Variants in HS3ST2 observed in about 807,000 individuals in gnomAD.
The protein encoded by HS3ST2 is heparan sulfate glucosamine 3-O-sulfotransferase 2.
In HS3ST2, 17 loss-of-function variants were observed where a neutral mutation model predicts 26.3. The observed-to-expected ratio is 0.65, with a 90% CI of 0.44 to 0.97. HS3ST2 has a LOEUF of 0.97. Ranked by LOEUF, HS3ST2 falls within the 50% of genes least tolerant of loss-of-function variation. The pLI is 0.00. For synonymous variants in HS3ST2, 237 were observed against 219.2 expected (o/e 1.08, Z -0.72); for missense variants, 402 against 501.2 (o/e 0.80, Z 1.89).
chr16:22,858,070 T>C (rs1901623823), intron 1 of HS3ST2, among the ~76,000 whole-genome samples: 1 of 146,056 alleles, frequency 6.8e-6, no homozygotes, highest in African/African-American at 2.6e-5. Context: ...CACACACTTT[T>C]GCCCTCTTTA....
At chr16:22,839,088 T>C (rs897813972) in intron 1 of HS3ST2, among the ~76,000 whole-genome samples, 6 of 152,234 alleles carry the variant, frequency 3.9e-5, no homozygotes, top group Non-Finnish European at 8.8e-5. Context: ...CTTCACTGTA[T>C]TGAACATCCT....
rs1902487995 is a variant in HS3ST2 at position 22,915,810 on chromosome 16, A to T, written c.*248A>T. On this transcript the variant is annotated 3_prime_UTR_variant, in exon 2 of 2. Transcript: ENST00000261374. Reference sequence around the variant, plus strand: ...GGCACGTCCAGTAAATTCCAGAATCATTCTCCTTTCTGCCCATAAAGGGCC... The same window carrying T: ...GGCACGTCCAGTAAATTCCAGAATCTTTCTCCTTTCTGCCCATAAAGGGCC... The T allele has an allele frequency of 1.9e-6, 1 of 519,738 alleles. No homozygotes were observed. The highest frequency in any genetic ancestry group is 3.4e-6 in the Non-Finnish European group (1 of 295,000). The allele number at this position is 519,738 out of a possible 1,614,324, so 32.2% of individuals were successfully genotyped here.
rs555435118 is a variant in HS3ST2 at position 22,843,362 on chromosome 16, G to A, written c.485+28267G>A. ...ACCCAGAAACAGCGTCAGATCCCAC[G>A]GGTTGAGGACTCAGTTCCCAAGACT... On this transcript the variant is annotated intron_variant, in intron 1 of 1. Transcript: ENST00000261374. Among the ~76,000 whole-genome samples the A allele has an allele frequency of 2.0e-4, 30 of 152,220 alleles. No individual in the cohort carries two copies. In the East Asian group the frequency reaches 4.1e-3, roughly 21 times the overall value.
chr16:22,911,006 G>A (rs1902418182), intron 1 of HS3ST2, among the ~76,000 whole-genome samples: 3 of 152,130 alleles, frequency 2.0e-5, no homozygotes. Context: ...GTGGATGAAA[G>A]GATTCAGGCT....
intron 1 of HS3ST2, among the ~76,000 whole-genome samples, chr16:22,873,440 A>T (rs1220548279): frequency 6.6e-6 from 1 of 152,232 alleles, no homozygotes; most frequent in Non-Finnish European, 1.5e-5. Flanking sequence ...CCATTTTCTC[A>T]ACTTCTAAAC....
chr16:22,900,913 C>G (rs1035721956), intron 1 of HS3ST2, among the ~76,000 whole-genome samples: 2 of 152,072 alleles, frequency 1.3e-5, no homozygotes, highest in Admixed American at 6.6e-5. Flanking sequence ...AGCTTTATTC[C>G]AAGAACTCTG....
At chr16:22,815,126 G>T in intron 1 of HS3ST2, 31 bp downstream of exon 1, 1 of 1,604,740 alleles carries the variant, frequency 6.2e-7, no homozygotes, top group South Asian at 1.1e-5. Flanking sequence ...TCCGTGCGCC[G>T]GGTCTCTGAT....
chr16:22,831,945 G>T (rs1901176344), intron 1 of HS3ST2, among the ~76,000 whole-genome samples: 1 of 151,818 alleles, frequency 6.6e-6, no homozygotes, highest in Admixed American at 6.6e-5. Context: ...ATAAAAAGAT[G>T]ATTTTACTGG....
intron 1 of HS3ST2, among the ~76,000 whole-genome samples, chr16:22,854,263 T>A (rs960562147): frequency 2.0e-5 from 3 of 152,340 alleles, no homozygotes; most frequent in African/African-American, 7.2e-5. Flanking sequence ...CTTTATCCTT[T>A]ATAAGTAGGC....
At chr16:22,850,991 T>G (rs1268823643) in intron 1 of HS3ST2, among the ~76,000 whole-genome samples, 1 of 152,152 alleles carries the variant, frequency 6.6e-6, no homozygotes, top group East Asian at 1.9e-4. Flanking sequence ...AGTTTGGGCT[T>G]TCAACCAGAG....
In HS3ST2 at chr16:22,913,181, AGGGC is replaced by A. The variant is rs1234422204; in HGVS notation, c.486-1760_486-1757del. 3.2e-3 allele frequency among the ~76,000 whole-genome samples: 342 copies of A among 106,882 alleles called. 20 individuals carry two copies. Among genetic ancestry groups the A allele is most frequent in the African/African-American group, 0.011 (298 of 27,932 alleles). The allele number at this position is 106,882 out of a possible 152,430, so 70.1% of individuals were successfully genotyped here. On this transcript the variant is annotated intron_variant, in intron 1 of 1. Coordinates refer to ENST00000261374, the MANE Select transcript of HS3ST2 (RefSeq NM_006043.2). ...GAGGGAGGGAGGGAGGGAGGGAGGG[AGGGC>A]GGAAGGAAGGAAGGGACTTCTCGGG... is the stretch of plus-strand genomic sequence containing the variant.
At chr16:22,908,104 G>GA (rs1289593319) in intron 1 of HS3ST2, among the ~76,000 whole-genome samples, 1 of 152,214 alleles carries the variant, frequency 6.6e-6, no homozygotes, top group Non-Finnish European at 1.5e-5. Context: ...TCCAGCCTGG[G>GA]AGACAGAGTG....
At chr16:22,871,749 G>A (rs1341394631) in intron 1 of HS3ST2, among the ~76,000 whole-genome samples, 1 of 152,126 alleles carries the variant, frequency 6.6e-6, no homozygotes, top group East Asian at 1.9e-4. Flanking sequence ...TATCCACAGG[G>A]GCCTGTGATT....
intron 1 of HS3ST2, among the ~76,000 whole-genome samples, chr16:22,816,686 C>T (rs534085259): frequency 1.3e-5 from 2 of 152,292 alleles, no homozygotes; most frequent in East Asian, 1.9e-4. Context: ...ATGGGCATCC[C>T]GTCTAGGTGC....
chr16:22,874,303 C>G (rs1455180222), intron 1 of HS3ST2, among the ~76,000 whole-genome samples: 1 of 152,190 alleles, frequency 6.6e-6, no homozygotes, highest in African/African-American at 2.4e-5. Flanking sequence ...CTTCTCATAT[C>G]AACCCTAAAG....
At chr16:22,844,687 T>TTC (rs1183819486) in intron 1 of HS3ST2, among the ~76,000 whole-genome samples, 1 of 152,030 alleles carries the variant, frequency 6.6e-6, no homozygotes, top group East Asian at 1.9e-4. Context: ...CACCTTGCTC[T>TTC]TCTCTCTCTC....
chr16:22,913,168 GAGGGAGGGAGGGAGGGCGGA>G (rs1169504675), intron 1 of HS3ST2, among the ~76,000 whole-genome samples: 2 of 126,806 alleles, frequency 1.6e-5, no homozygotes, highest in Admixed American at 7.6e-5. Flanking sequence ...GGGAGGGAGG[GAGGGAGGGAGGGAGGGCGGA>G]AGGAAGGAAG....
chr16:22,832,158 T>C (rs2141178666), intron 1 of HS3ST2, among the ~76,000 whole-genome samples: 1 of 150,130 alleles, frequency 6.7e-6, no homozygotes, highest in African/African-American at 2.4e-5. Context: ...GATCTTTTTT[T>C]TTTTTTTTTT....
chr16:22,914,977 C>A lies in HS3ST2; in HGVS notation c.519C>A (p.Ile173=). The A allele has an allele frequency of 1.2e-6, 2 of 1,613,652 alleles. No individual in the cohort carries two copies. The highest frequency in any genetic ancestry group is 1.3e-5 in the African/African-American group (1 of 74,974). Residue 173 remains isoleucine, a synonymous_variant, in exon 2 of 2, where the codon ATC becomes ATA. Transcript: ENST00000261374. The part of the protein sequence containing the change: ...SLMPRTLESQ[I]TLEKTPSYFV... ...TGCCCAGGACCCTCGAGAGCCAGAT[C>A]ACGCTGGAGAAGACGCCCAGCTACT...
Sources: allele counts gnomAD v4.1 joint callset (sites outside exome capture counted in the v4.1 genomes callset), GRCh38; gene constraint gnomAD v4.1.1; transcripts MANE v1.5; gene names NCBI Gene and HGNC (gene_info 2026-07-23, HGNC 2026-07-21).